The following C4orf17 variants were observed in gnomAD, a reference collection of about 807,000 sequenced individuals.
C4orf17 encodes chromosome 4 open reading frame 17.
C4orf17 carries 25 observed loss-of-function variants against 32.0 expected under a neutral mutation model. That is an observed-to-expected ratio of 0.78 (90% CI 0.57 to 1.09). C4orf17 has a LOEUF of 1.09. Ranked by LOEUF, C4orf17 falls within the 50% of genes least tolerant of loss-of-function variation. The probability of loss-of-function intolerance (pLI) is 0.00; values close to 1 mark genes in which losing one functional copy is unlikely to be tolerated. For synonymous variants in C4orf17, 149 were observed against 145.8 expected (o/e 1.02, Z -0.16); for missense variants, 420 against 420.0 (o/e 1.00, Z 0.00).
chr4:99,521,257 C>T (rs1560586437), intron 2 of C4orf17, among the ~76,000 whole-genome samples: 1 of 151,942 alleles, frequency 6.6e-6, no homozygotes, highest in Non-Finnish European at 1.5e-5. Context: ...TCTGTAATCC[C>T]AGCTACTCAG....
chr4:99,524,528 T>C lies in C4orf17; in HGVS notation c.345T>C (p.Ser115=). The stretch of plus-strand genomic sequence containing the variant: ...TCCTCAATTTTATTTCAGAGCCCAG[T>C]AGAAAAATTAAAGAGTGCTTCAAAA... ...KVPPRPHSEP[S]RKIKECFKTS... Residue 115 remains serine, a synonymous_variant, in exon 4 of 9, where the codon AGT becomes AGC. Transcript: ENST00000326581. 2 of 1,592,720 alleles carry C rather than the reference T, an allele frequency of 1.3e-6. No homozygotes were observed. The highest frequency in any genetic ancestry group is 1.1e-5 in the South Asian group (1 of 89,618).
At position 99,511,288 on chromosome 4, in the gene C4orf17, C is replaced by A. The variant is rs1723089638; in HGVS notation, c.-94+16C>A. Reference sequence around the variant, plus strand: ...TTGTCCTCAGGTATAATTTTAAATTCATCATTACAATAATGTTCTAAAATT... The same window carrying A: ...TTGTCCTCAGGTATAATTTTAAATTAATCATTACAATAATGTTCTAAAATT... On this transcript the variant is annotated intron_variant, in intron 1 of 8. Transcript: ENST00000326581. 6.6e-6 allele frequency: 1 copy of A among 152,068 alleles called. No homozygotes were observed. Among genetic ancestry groups the A allele is most frequent in the Non-Finnish European group, 1.5e-5 (1 of 67,990 alleles). 9.4% of individuals were successfully genotyped at this position (152,068 alleles called of 1,614,324 possible).
chr4:99,518,518 A>AATATATAT (rs1323508832), intron 2 of C4orf17, among the ~76,000 whole-genome samples: 60 of 16,794 alleles, frequency 3.6e-3, no homozygotes, highest in Non-Finnish European at 3.9e-3. Context: ...AAAAAAAAAA[A>AATATATAT]ATATATATAT....
chr4:99,532,288 A>G (rs1233864976), intron 5 of C4orf17, among the ~76,000 whole-genome samples: 1 of 152,176 alleles, frequency 6.6e-6, no homozygotes, highest in African/African-American at 2.4e-5. Flanking sequence ...TAGCAAAGAC[A>G]TGGAATCAAC....
At position 99,513,212 on chromosome 4, in the gene C4orf17, A is replaced by G. The variant is rs780954255; in HGVS notation, c.127+4A>G. 1.2e-6 allele frequency: 2 copies of G among 1,613,624 alleles called. No homozygotes were observed. Among genetic ancestry groups the G allele is most frequent in the African/African-American group, 2.7e-5 (2 of 74,918 alleles). On this transcript the variant is annotated splice_donor_region_variant and intron_variant, in intron 2 of 8. Transcript: ENST00000326581. ...AGAAGAGTCTGCCACATCAAAGGTA[A>G]GGTGACTTAAGGTCCTAGTATGTGT... is the stretch of plus-strand genomic sequence containing the variant.
chr4:99,518,554 G>T lies in C4orf17; in HGVS notation c.128-3946G>T, dbSNP rs1467067805. ...ATATATATATATATATAGAGAGAGA[G>T]AGAGAGAGAGAGAGAGAGAGAGAGA... is the stretch of plus-strand genomic sequence containing the variant. On this transcript the variant is annotated intron_variant, in intron 2 of 8. Transcript: ENST00000326581. Among the ~76,000 whole-genome samples the T allele has an allele frequency of 8.9e-3, 886 of 99,718 alleles. 2 individuals carry two copies. The highest frequency in any genetic ancestry group is 0.046 in the East Asian group (88 of 1,924). The allele number at this position is 99,718 out of a possible 152,430, so 65.4% of individuals were successfully genotyped here.
At position 99,540,439 on chromosome 4, in the gene C4orf17, C is replaced by T. The variant is rs770276854; in HGVS notation, c.864C>T (p.Asn288=). 2 of 1,610,980 alleles carry T rather than the reference C, an allele frequency of 1.2e-6. No homozygotes were observed. The highest frequency in any genetic ancestry group is 4.5e-5 in the East Asian group (2 of 44,678). ...TRVSSQGSEE[N]KEVPKEAEHK... ...TGTCAAGTCAAGGATCTGAAGAAAA[C>T]AAGGAAGTACCAAAAGGTTAAGTAC... The change falls in exon 8 of 9, where the codon AAC becomes AAT. Residue 288 remains asparagine, a synonymous_variant. Transcript: ENST00000326581.
intron 1 of C4orf17, among the ~76,000 whole-genome samples, chr4:99,511,932 A>G (rs1300875563): frequency 6.6e-6 from 1 of 152,200 alleles, no homozygotes; most frequent in African/African-American, 2.4e-5. Flanking sequence ...TATATATATC[A>G]AACTGAAGTT....
chr4:99,527,089 T>C (rs1723401546), intron 4 of C4orf17, among the ~76,000 whole-genome samples: 2 of 152,218 alleles, frequency 1.3e-5, no homozygotes, highest in Admixed American at 6.5e-5. Flanking sequence ...TTTTACTGTG[T>C]TGAATTTTCA....
At chr4:99,535,427 G>T (rs746076941) in intron 5 of C4orf17, among the ~76,000 whole-genome samples, 13 of 151,904 alleles carry the variant, frequency 8.6e-5, no homozygotes, top group Non-Finnish European at 1.3e-4. Context: ...CGGAGGTTTT[G>T]CTTATTCCTT....
At chr4:99,541,660 G>T in intron 8 of C4orf17, 1 of 406,852 alleles carries the variant, frequency 2.5e-6, no homozygotes, top group South Asian at 2.7e-5. Context: ...ACAATTCTAT[G>T]CAATCAAAAT....
intron 4 of C4orf17, among the ~76,000 whole-genome samples, chr4:99,526,894 G>T (rs1723396504): frequency 6.6e-6 from 1 of 152,030 alleles, no homozygotes; most frequent in Non-Finnish European, 1.5e-5. Flanking sequence ...TCATTTTAAA[G>T]AATCAGTATT....
At position 99,513,168 on chromosome 4, in the gene C4orf17, C is replaced by T; in HGVS notation, c.87C>T (p.Val29=). 2.5e-6 allele frequency: 4 copies of T among 1,613,890 alleles called. No homozygotes were observed. The highest frequency in any genetic ancestry group is 3.4e-6 in the Non-Finnish European group (4 of 1,179,844). The change falls in exon 2 of 9, where the codon GTC becomes GTT. Residue 29 remains valine, a synonymous_variant. Coordinates refer to ENST00000326581, the MANE Select transcript of C4orf17 (RefSeq NM_032149.3). Reference sequence around the variant, plus strand: ...CTAGAAATGTAAGCTGCTTTCTAGTCAGGCACACCCCTCATCCCAGAAGAG... The same window carrying T: ...CTAGAAATGTAAGCTGCTTTCTAGTTAGGCACACCCCTCATCCCAGAAGAG... ...IMARNVSCFL[V]RHTPHPRRVC... is the part of the protein sequence containing the mutation.
chr4:99,516,423 A>G (rs940527637), intron 2 of C4orf17, among the ~76,000 whole-genome samples: 1 of 152,246 alleles, frequency 6.6e-6, no homozygotes, highest in African/African-American at 2.4e-5. Flanking sequence ...CAGCATAGAA[A>G]TGATATTTAA....
chr4:99,530,711 CAAA>C (rs564542704), intron 5 of C4orf17, among the ~76,000 whole-genome samples: 105 of 152,108 alleles, frequency 6.9e-4, no homozygotes, highest in African/African-American at 2.2e-3. Flanking sequence ...ATAAGCCTAA[CAAA>C]GAAGTATTTT....
intron 2 of C4orf17, among the ~76,000 whole-genome samples, chr4:99,515,113 G>A (rs1182287073): frequency 6.6e-6 from 1 of 152,190 alleles, no homozygotes; most frequent in Non-Finnish European, 1.5e-5. Flanking sequence ...AGGTTAAAAA[G>A]CGGGTGAGGA....
chr4:99,524,122 G>A (rs1328369331), intron 3 of C4orf17, among the ~76,000 whole-genome samples: 2 of 151,746 alleles, frequency 1.3e-5, no homozygotes, highest in Non-Finnish European at 2.9e-5. Flanking sequence ...TGGGACTACA[G>A]GCGCCCGCCA....
At chr4:99,517,016 AT>A (rs1352991104) in intron 2 of C4orf17, among the ~76,000 whole-genome samples, 1 of 152,092 alleles carries the variant, frequency 6.6e-6, no homozygotes, top group African/African-American at 2.4e-5. Flanking sequence ...TTTAGGTTTG[AT>A]TTGATGGCTC....
At chr4:99,521,392 A>T (rs974072765) in intron 2 of C4orf17, among the ~76,000 whole-genome samples, 6 of 151,606 alleles carry the variant, frequency 4.0e-5, no homozygotes, top group Admixed American at 2.0e-4. Context: ...AAAAGAGTAG[A>T]TTTTAATTTG....
Sources: allele counts gnomAD v4.1 joint callset (sites outside exome capture counted in the v4.1 genomes callset), GRCh38; gene constraint gnomAD v4.1.1; transcripts MANE v1.5; gene names NCBI Gene and HGNC (gene_info 2026-07-23, HGNC 2026-07-21).